COP1: variants seen among roughly 807,000 people sequenced by gnomAD.
COP1 encodes the protein E3 ubiquitin-protein ligase COP1.
A neutral mutation model predicts 101.3 loss-of-function variants in COP1; 24 were observed. The ratio of observed to expected loss-of-function variants is 0.24; its 90% confidence interval spans 0.17 to 0.33. The LOEUF (loss-of-function observed/expected upper bound fraction) is 0.33. Among genes scored for constraint, COP1 ranks in the 10% least tolerant of loss-of-function variants. COP1 has a pLI of 1.00. For missense variants in COP1, 663 were observed against 906.2 expected, an observed-to-expected ratio of 0.73 and a Z score of 3.45; for synonymous variants, 347 against 341.9, an observed-to-expected ratio of 1.01 and a Z score of -0.17.
intron 12 of COP1, 45 bp downstream of exon 12, chr1:176,046,136 T>C (rs753390202): frequency 2.4e-5 from 36 of 1,477,280 alleles, no homozygotes; most frequent in Admixed American, 6.8e-5. Context: ...CATATGCAAA[T>C]TGTTACATCT....
At chr1:176,085,154 G>C (rs1287098713) in intron 10 of COP1, among the ~76,000 whole-genome samples, 1 of 152,026 alleles carries the variant, frequency 6.6e-6, no homozygotes, top group Non-Finnish European at 1.5e-5. Flanking sequence ...ATGTTTCTAA[G>C]TATCTTTTTC....
Position 176,081,294 on chromosome 1 carries a change from GAAAAAAA to G in COP1, c.1142-14_1142-8del, listed in dbSNP as rs56720201. ...CTTGCAGTTCGACTGTCATCTATATGAAAAAAAAAAAAAAAAGACAAAACAGATGAAT... is the reference window on the plus strand; with the variant it reads ...CTTGCAGTTCGACTGTCATCTATATGAAAAAAAAAGACAAAACAGATGAAT... On this transcript the variant is annotated splice_region_variant and splice_polypyrimidine_tract_variant and intron_variant, in intron 10 of 19. Transcript: ENST00000367669. 16 of 1,283,916 alleles carry G rather than the reference GAAAAAAA, an allele frequency of 1.2e-5. No homozygotes were observed. The African/African-American group carries it at 2.4e-4, about 19-fold the overall frequency. The allele number at this position is 1,283,916 out of a possible 1,614,324, so 79.5% of individuals were successfully genotyped here. A position where few individuals can be genotyped will look rare whatever the true frequency, so the allele number is the denominator to read the frequency against.
intron 3 of COP1, among the ~76,000 whole-genome samples, chr1:176,173,640 A>G (rs1426629576): frequency 6.6e-6 from 1 of 150,782 alleles, no homozygotes; most frequent in African/African-American, 2.4e-5. Flanking sequence ...GCTGTCTCAA[A>G]AAAAAAAAAA....
intron 18 of COP1, among the ~76,000 whole-genome samples, chr1:175,952,001 A>C (rs1261379119): frequency 6.6e-6 from 1 of 152,238 alleles, no homozygotes; most frequent in African/African-American, 2.4e-5. Flanking sequence ...ACACTGCTGA[A>C]GACAAGAAAC....
intron 18 of COP1, among the ~76,000 whole-genome samples, chr1:175,969,777 C>T (rs1652883822): frequency 6.6e-6 from 1 of 152,058 alleles, no homozygotes; most frequent in African/African-American, 2.4e-5. Flanking sequence ...GTAACTGGCA[C>T]ACTATAGGCA....
rs149489103 is a variant in COP1, at chr1:176,202,482, C to A, written c.407+4090G>T. 2.6e-3 allele frequency among the ~76,000 whole-genome samples: 397 copies of A among 152,096 alleles called. 3 individuals carry two copies. The highest frequency in any genetic ancestry group is 9.1e-3 in the African/African-American group (379 of 41,498). ...GGGATTACAGGCGTGAACCAAGGTG[C>A]CCACCCTCACTTTTTAATAGTCTGA... On this transcript the variant is annotated intron_variant, in intron 1 of 19. Transcript: ENST00000367669.
At chr1:176,033,588 C>T (rs1424834870) in intron 14 of COP1, among the ~76,000 whole-genome samples, 2 of 152,058 alleles carry the variant, frequency 1.3e-5, no homozygotes, top group Admixed American at 6.5e-5. Context: ...AAACAATTCT[C>T]AGGTTACATA....
intron 5 of COP1, chr1:176,160,383 TCAAAAGCAATGGCAA>T: frequency 4.3e-6 from 1 of 233,048 alleles, no homozygotes; most frequent in South Asian, 4.5e-5. Context: ...GACTAAAACA[TCAAAAGCAATGGCAA>T]CAAAAGCCAA....
intron 3 of COP1, among the ~76,000 whole-genome samples, chr1:176,164,170 G>C (rs1572624200): frequency 6.6e-6 from 1 of 152,278 alleles, no homozygotes; most frequent in East Asian, 1.9e-4. Flanking sequence ...CACTTGCTGA[G>C]AGAGAAATCC....
At chr1:176,072,240 A>G (rs1386266959) in intron 11 of COP1, among the ~76,000 whole-genome samples, 7 of 152,200 alleles carry the variant, frequency 4.6e-5, no homozygotes, top group African/African-American at 1.4e-4. Flanking sequence ...CAACAAGCAA[A>G]TATGTGGACA....
intron 8 of COP1, among the ~76,000 whole-genome samples, chr1:176,127,765 T>C (rs1034944071): frequency 6.6e-6 from 1 of 152,196 alleles, no homozygotes; most frequent in African/African-American, 2.4e-5. Context: ...TTCCCAGTAA[T>C]GGGATTGCAG....
At chr1:176,083,310 T>C (rs986949082) in intron 10 of COP1, among the ~76,000 whole-genome samples, 2 of 152,340 alleles carry the variant, frequency 1.3e-5, no homozygotes, top group African/African-American at 4.8e-5. Flanking sequence ...CATTCAATAT[T>C]GTGTATTCTG....
intron 9 of COP1, among the ~76,000 whole-genome samples, chr1:176,111,326 G>A (rs961972354): frequency 2.0e-5 from 3 of 151,640 alleles, no homozygotes; most frequent in Non-Finnish European, 2.9e-5. Context: ...ATGGAGTCTC[G>A]CTCTGTTGCC....
intron 2 of COP1, among the ~76,000 whole-genome samples, chr1:176,182,881 T>C (rs1335428087): frequency 6.6e-6 from 1 of 152,118 alleles, no homozygotes; most frequent in African/African-American, 2.4e-5. Flanking sequence ...GAAAGTAAAA[T>C]GACTTAAAAA....
chr1:176,040,848 A>G (rs1362011300), intron 14 of COP1, among the ~76,000 whole-genome samples: 1 of 152,228 alleles, frequency 6.6e-6, no homozygotes, highest in Non-Finnish European at 1.5e-5. Context: ...GCCTATCAAA[A>G]CAATACTGAA....
At chr1:176,111,440 C>T (rs567564327) in intron 9 of COP1, among the ~76,000 whole-genome samples, 213 of 151,938 alleles carry the variant, frequency 1.4e-3, no homozygotes, top group African/African-American at 4.7e-3. Context: ...ACTACAGGTG[C>T]GCACCACCAT....
chr1:176,173,269 C>T (rs1385124299), intron 3 of COP1, among the ~76,000 whole-genome samples: 6 of 141,190 alleles, frequency 4.2e-5, no homozygotes, highest in African/African-American at 1.5e-4. Context: ...CAAGATCATG[C>T]CATTGCACTC....
chr1:176,097,133 T>G (rs1682537467), intron 9 of COP1, among the ~76,000 whole-genome samples: 1 of 152,102 alleles, frequency 6.6e-6, no homozygotes, highest in Admixed American at 6.5e-5. Context: ...AGGATTTTCT[T>G]AAAGAACACT....
At chr1:175,965,401 A>G (rs566929879) in intron 18 of COP1, among the ~76,000 whole-genome samples, 29 of 152,294 alleles carry the variant, frequency 1.9e-4, no homozygotes, top group African/African-American at 7.0e-4. Context: ...TCAATTGTCC[A>G]ATTTCATCAC....
Sources: gnomAD v4.1 joint callset for allele counts (sites outside exome capture counted in the v4.1 genomes callset) on GRCh38, gnomAD v4.1.1 for gene constraint, MANE v1.5 for transcripts, NCBI Gene and HGNC (gene_info 2026-07-23, HGNC 2026-07-21) for gene names.